The following FYB2 variants were observed in gnomAD, a reference collection of about 807,000 sequenced individuals.
FYB2 encodes FYN binding protein 2.
A neutral mutation model predicts 94.1 loss-of-function variants in FYB2; 103 were observed. The ratio of observed to expected loss-of-function variants is 1.09; its 90% CI spans 0.93 to 1.29. The LOEUF (loss-of-function observed/expected upper bound fraction) is 1.29, where lower values mean the gene tolerates loss of function less well. Among genes scored for constraint, FYB2 ranks in the 50% most tolerant of loss-of-function variants. The probability of loss-of-function intolerance (pLI) is 0.00; values close to 1 mark genes in which losing one functional copy is unlikely to be tolerated. For missense variants in FYB2, 896 were observed against 841.5 expected (o/e 1.06, Z -0.80); for synonymous variants, 293 against 287.9 (o/e 1.02, Z -0.18).
chr1:56,721,132 C>G (rs1296185265), intron 17 of FYB2, among the ~76,000 whole-genome samples: 1 of 151,988 alleles, frequency 6.6e-6, no homozygotes, highest in Non-Finnish European at 1.5e-5. Flanking sequence ...CTGAGAAATT[C>G]AATTCCTGAC....
rs544509486 is a variant in FYB2 at position 56,719,271 on chromosome 1, G to C, written c.*400C>G. 1.8e-4 allele frequency: 30 copies of C among 164,328 alleles called. No homozygotes were observed. Among genetic ancestry groups the C allele is most frequent in the Non-Finnish European group, 3.6e-4 (27 of 75,822 alleles). The allele number at this position is 164,328 out of a possible 1,614,324, so 10.2% of individuals were successfully genotyped here. A position where few individuals can be genotyped will look rare whatever the true frequency, so the allele number is the denominator to read the frequency against. On this transcript the variant is annotated 3_prime_UTR_variant, in exon 20 of 20. Coordinates refer to ENST00000343433, the MANE Select transcript of FYB2 (RefSeq NM_001004303.5). Reference sequence around the variant, plus strand: ...CAGAATTAAATTATACCAAGTTTGAGTGCACAACATCTAGAAATTACAAAT... The same window carrying C: ...CAGAATTAAATTATACCAAGTTTGACTGCACAACATCTAGAAATTACAAAT...
chr1:56,782,240 TAATC>T (rs1195659942), intron 4 of FYB2, among the ~76,000 whole-genome samples: 2 of 152,210 alleles, frequency 1.3e-5, no homozygotes, highest in Non-Finnish European at 2.9e-5. Context: ...TTGTACCCAT[TAATC>T]AATCAGAGAG....
intron 1 of FYB2, among the ~76,000 whole-genome samples, chr1:56,799,690 C>T (rs1646476496): frequency 6.6e-6 from 1 of 152,160 alleles, no homozygotes; most frequent in Admixed American, 6.5e-5. Context: ...ATAATAAATT[C>T]TGTGTCAAAT....
At chr1:56,740,663 C>A (rs754908868) in intron 13 of FYB2, 34 bp downstream of exon 13, 2 of 1,291,278 alleles carry the variant, frequency 1.5e-6, no homozygotes, top group African/African-American at 3.0e-5. Flanking sequence ...CAGGTTAATC[C>A]CCTCGTGGAA....
chr1:56,768,974 G>A (rs1386705675), intron 4 of FYB2, among the ~76,000 whole-genome samples: 4 of 152,088 alleles, frequency 2.6e-5, no homozygotes, highest in Non-Finnish European at 4.4e-5. Flanking sequence ...AAAATTTAAT[G>A]TAGAGGCTGA....
At chr1:56,752,164 AG>A (rs1173898738) in intron 8 of FYB2, among the ~76,000 whole-genome samples, 1 of 151,986 alleles carries the variant, frequency 6.6e-6, no homozygotes, top group East Asian at 1.9e-4. Context: ...GAGGTTGAAA[AG>A]GTAAATGAGA....
Position 56,729,337 on chromosome 1 carries a change from T to A in FYB2, c.1794-2754A>T, listed in dbSNP as rs72907381. 1.2e-3 allele frequency among the ~76,000 whole-genome samples: 185 copies of A among 152,012 alleles called. 1 individual carries two copies. The highest frequency in any genetic ancestry group is 4.3e-3 in the African/African-American group (179 of 41,470). Reference sequence around the variant, plus strand: ...TGGGGATGGGAAAAGTGGGAACAGTTTGAGTTATTGGAAGAGAGTGATGGG... The same window carrying A: ...TGGGGATGGGAAAAGTGGGAACAGTATGAGTTATTGGAAGAGAGTGATGGG... On this transcript the variant is annotated intron_variant, in intron 15 of 19. Coordinates refer to ENST00000343433, the MANE Select transcript of FYB2 (RefSeq NM_001004303.5).
intron 4 of FYB2, among the ~76,000 whole-genome samples, chr1:56,778,066 A>G (rs1645923572): frequency 6.6e-6 from 1 of 152,070 alleles, no homozygotes; most frequent in Non-Finnish European, 1.5e-5. Context: ...ATCACTCTCC[A>G]ATCACACTGG....
upstream of FYB2, among the ~76,000 whole-genome samples, chr1:56,821,452 G>T (rs759064082): frequency 6.6e-6 from 1 of 152,160 alleles, no homozygotes; most frequent in Admixed American, 6.5e-5. Flanking sequence ...TATGTCTTAC[G>T]ATCCTCTAGG....
At chr1:56,746,297 T>G (rs1451911470) in intron 9 of FYB2, among the ~76,000 whole-genome samples, 1 of 152,038 alleles carries the variant, frequency 6.6e-6, no homozygotes, top group Non-Finnish European at 1.5e-5. Context: ...ACTGGTGAAT[T>G]TAGTGCATTA....
intron 1 of FYB2, among the ~76,000 whole-genome samples, chr1:56,798,352 A>G (rs1221201131): frequency 6.6e-6 from 1 of 152,206 alleles, no homozygotes; most frequent in Non-Finnish European, 1.5e-5. Context: ...GGCCAAAACA[A>G]TTCGAGAGAT....
chr1:56,739,932 C>G (rs2100599283), intron 13 of FYB2, among the ~76,000 whole-genome samples: 1 of 152,094 alleles, frequency 6.6e-6, no homozygotes, highest in South Asian at 2.1e-4. Flanking sequence ...AGACACAACC[C>G]CATCATAAAT....
chr1:56,786,402 C>G (rs914506175), intron 4 of FYB2, among the ~76,000 whole-genome samples: 1 of 152,178 alleles, frequency 6.6e-6, no homozygotes, highest in Non-Finnish European at 1.5e-5. Flanking sequence ...CTTGTCCTTT[C>G]CTCTATTACA....
chr1:56,766,325 G>A (rs1230875495), intron 5 of FYB2, among the ~76,000 whole-genome samples: 1 of 152,222 alleles, frequency 6.6e-6, no homozygotes, highest in Non-Finnish European at 1.5e-5. Flanking sequence ...GCAGGGTCAA[G>A]AGTTGCTCTT....
intron 1 of FYB2, among the ~76,000 whole-genome samples, chr1:56,795,361 C>A (rs1025780707): frequency 2.0e-4 from 31 of 152,066 alleles, no homozygotes; most frequent in African/African-American, 7.5e-4. Flanking sequence ...ATAACACATC[C>A]TGTTTATCCA....
chr1:56,789,775 A>G (rs1417413043), intron 2 of FYB2, among the ~76,000 whole-genome samples: 1 of 152,152 alleles, frequency 6.6e-6, no homozygotes, highest in Non-Finnish European at 1.5e-5. Flanking sequence ...ATGGTTTTGT[A>G]TTGATCCCCC....
rs1160435559 is a variant in FYB2 at position 56,812,837 on chromosome 1, A to G, written c.9+6445T>C. Reference sequence around the variant, plus strand: ...TGGGGGAAGAGTAGTGCACACAGTTATTTACATAAATTCTCTCATTTTATT... The same window carrying G: ...TGGGGGAAGAGTAGTGCACACAGTTGTTTACATAAATTCTCTCATTTTATT... On this transcript the variant is annotated intron_variant, in intron 1 of 19. Transcript: ENST00000343433. 3.3e-5 allele frequency among the ~76,000 whole-genome samples: 5 copies of G among 152,210 alleles called. No individual in the cohort carries two copies. In the East Asian group the frequency reaches 9.6e-4, roughly 29 times the overall value.
chr1:56,776,354 A>C (rs12239177), intron 4 of FYB2, among the ~76,000 whole-genome samples: 4,796 of 152,228 alleles, frequency 0.032, 278 homozygotes, highest in African/African-American at 0.11. Flanking sequence ...AAAATGAAAA[A>C]TATTACCATT....
intron 1 of FYB2, 127 bp from the exon 2 acceptor site, chr1:56,792,930 T>C: frequency 2.0e-6 from 2 of 982,802 alleles, no homozygotes; most frequent in Non-Finnish European, 3.0e-6. Flanking sequence ...TCTCACCATG[T>C]TAAGGGACTC....
Sources: gnomAD v4.1 joint callset for allele counts (sites outside exome capture counted in the v4.1 genomes callset) on GRCh38, gnomAD v4.1.1 for gene constraint, MANE v1.5 for transcripts, NCBI Gene and HGNC (gene_info 2026-07-23, HGNC 2026-07-21) for gene names.